PDE4D: variants seen among roughly 807,000 people sequenced by gnomAD.
PDE4D encodes the protein phosphodiesterase 4D, also known as 3',5'-cyclic-AMP phosphodiesterase 4D.
A neutral mutation model predicts 87.4 loss-of-function variants in PDE4D; 24 were observed. That is an observed-to-expected ratio of 0.27 (90% CI 0.20 to 0.39). PDE4D has a LOEUF of 0.39. Ranked by LOEUF, PDE4D falls within the 10% of genes least tolerant of loss-of-function variation. The probability of loss-of-function intolerance (pLI) is 1.00; values close to 1 mark genes in which losing one functional copy is unlikely to be tolerated. For missense variants in PDE4D, 714 were observed against 1,041.0 expected, an observed-to-expected ratio of 0.69 and a Z score of 4.32; for synonymous variants, 384 against 383.2, an observed-to-expected ratio of 1.00 and a Z score of -0.02.
chr5:60,372,205 T>G (rs903903354), intron 1 of PDE4D, among the ~76,000 whole-genome samples: 5 of 151,568 alleles, frequency 3.3e-5, no homozygotes, highest in Admixed American at 1.3e-4. Flanking sequence ...TAGATTTCAT[T>G]TGCATTTCCT....
chr5:59,828,196 AAG>A (rs1456295840), intron 1 of PDE4D, among the ~76,000 whole-genome samples: 2 of 152,060 alleles, frequency 1.3e-5, no homozygotes, highest in Non-Finnish European at 2.9e-5. Context: ...CCTAAGAGAA[AAG>A]AGAGAGAAAA....
chr5:59,856,343 T>C (rs1018970182), intron 1 of PDE4D, among the ~76,000 whole-genome samples: 1 of 152,188 alleles, frequency 6.6e-6, no homozygotes, highest in African/African-American at 2.4e-5. Flanking sequence ...AGGATCATTT[T>C]AGTGGAAAAG....
At chr5:60,203,069 T>A (rs1335812642) in intron 1 of PDE4D, among the ~76,000 whole-genome samples, 1 of 152,144 alleles carries the variant, frequency 6.6e-6, no homozygotes, top group African/African-American at 2.4e-5. Context: ...GCCTCCCAGG[T>A]TCAAGTGATT....
intron 1 of PDE4D, among the ~76,000 whole-genome samples, chr5:59,628,423 T>C (rs1831159054): frequency 6.6e-6 from 1 of 152,194 alleles, no homozygotes; most frequent in Admixed American, 6.5e-5. Context: ...TCCAATATAA[T>C]AGCCACTAAT....
intron 1 of PDE4D, among the ~76,000 whole-genome samples, chr5:60,467,214 A>T (rs1295961546): frequency 2.0e-5 from 3 of 151,818 alleles, no homozygotes; most frequent in African/African-American, 7.3e-5. Flanking sequence ...TAATTTTTGT[A>T]TTCTTAGTAG....
intron 1 of PDE4D, among the ~76,000 whole-genome samples, chr5:60,229,408 G>GT (rs1039979386): frequency 6.6e-6 from 1 of 152,126 alleles, no homozygotes; most frequent in African/African-American, 2.4e-5. Flanking sequence ...CAGTCACAAT[G>GT]TTTTATCCTG....
At chr5:59,180,329 C>A in intron 5 of PDE4D, 2 of 636,218 alleles carry the variant, frequency 3.1e-6, no homozygotes, top group Non-Finnish European at 5.8e-6. Flanking sequence ...ATACAAATGC[C>A]CAGAGCAATG....
intron 1 of PDE4D, among the ~76,000 whole-genome samples, chr5:59,787,942 G>C (rs1053623985): frequency 1.3e-5 from 2 of 152,158 alleles, no homozygotes; most frequent in South Asian, 4.1e-4. Context: ...TGGGAATGAT[G>C]CTAATATATT....
intron 3 of PDE4D, among the ~76,000 whole-genome samples, chr5:59,952,612 T>C (rs1758418735): frequency 6.6e-6 from 1 of 152,234 alleles, no homozygotes; most frequent in Admixed American, 6.5e-5. Context: ...ACCCATGAAG[T>C]GTGGTTGAAG....
At chr5:59,132,381 G>A (rs535048914) in intron 5 of PDE4D, among the ~76,000 whole-genome samples, 18 of 152,196 alleles carry the variant, frequency 1.2e-4, no homozygotes, top group African/African-American at 4.1e-4. Context: ...TGCAGTTTTC[G>A]TAGAAATATA....
At chr5:60,124,991 C>T (rs1172353682) in intron 2 of PDE4D, among the ~76,000 whole-genome samples, 2 of 152,142 alleles carry the variant, frequency 1.3e-5, no homozygotes, top group African/African-American at 4.8e-5. Flanking sequence ...TGTATTTCTG[C>T]CTCACCAGCT....
At chr5:60,415,676 G>A (rs115760413) in intron 1 of PDE4D, among the ~76,000 whole-genome samples, 2,144 of 152,318 alleles carry the variant, frequency 0.014, 40 homozygotes, top group African/African-American at 0.049. Context: ...CCTGCAGTGC[G>A]GCCACGCCTG....
intron 1 of PDE4D, among the ~76,000 whole-genome samples, chr5:59,837,413 AGAAAGAGCTTGTCATAT>A (rs1742289472): frequency 6.6e-6 from 1 of 152,076 alleles, no homozygotes. Context: ...TCTCCTTGCA[AGAAAGAGCTTGTCATAT>A]ATGTCTAGGT....
At position 58,977,311 on chromosome 5, in the gene PDE4D, T is replaced by C. The variant is rs375578029; in HGVS notation, c.1587A>G (p.Ser529=). The change falls in exon 12 of 15, where the codon TCA becomes TCG. Residue 529 remains serine (S), a synonymous_variant. Transcript: ENST00000340635. The part of the protein sequence containing the change: ...SELALMYNDS[S]VLENHHLAVG... The stretch of plus-strand genomic sequence containing the variant: ...CAGCCAAATGATGGTTCTCTAAGAC[T>C]GAGGAATCATTGTACATCAAGGCAA... 2.5e-6 allele frequency: 4 copies of C among 1,611,644 alleles called. No individual in the cohort carries two copies. The African/African-American group carries it at 4.0e-5, about 16-fold the overall frequency.
chr5:59,718,909 G>T (rs1436120644), intron 1 of PDE4D, among the ~76,000 whole-genome samples: 1 of 150,896 alleles, frequency 6.6e-6, no homozygotes, highest in East Asian at 1.9e-4. Flanking sequence ...AATTTTTTTT[G>T]AAAAAGTTCT....
chr5:59,844,488 A>G (rs1743523414), intron 1 of PDE4D, among the ~76,000 whole-genome samples: 1 of 152,116 alleles, frequency 6.6e-6, no homozygotes, highest in Non-Finnish European at 1.5e-5. Context: ...TAATAATTGC[A>G]TAATAGAGTA....
chr5:59,761,138 T>C (rs1761914509), intron 1 of PDE4D, among the ~76,000 whole-genome samples: 1 of 152,208 alleles, frequency 6.6e-6, no homozygotes, highest in Admixed American at 6.5e-5. Context: ...AATGGTTAAG[T>C]ATTTGTATAT....
At position 60,422,223 on chromosome 5, in the gene PDE4D, AC is replaced by A. The variant is rs1177790413; in HGVS notation, c.-90+65718del. On this transcript the variant is annotated intron_variant, in intron 1 of 16. Coordinates refer to the PDE4D transcript ENST00000502484. ...ACAAAGATACTCCTCAAGAAGAGCAACCCCAAGACACATAATTTTCAGATTC... is the reference window on the plus strand; with the variant it reads ...ACAAAGATACTCCTCAAGAAGAGCAACCCAAGACACATAATTTTCAGATTC... Among the ~76,000 whole-genome samples the A allele has an allele frequency of 5.3e-5, 8 of 152,324 alleles. 1 individual carries two copies. The South Asian group carries it at 1.4e-3, about 28-fold the overall frequency.
At chr5:59,821,101 C>T (rs536068877) in intron 1 of PDE4D, among the ~76,000 whole-genome samples, 5 of 152,082 alleles carry the variant, frequency 3.3e-5, no homozygotes, top group Non-Finnish European at 5.9e-5. Flanking sequence ...GGAGTGGTGG[C>T]GGGCACCTGT....
Sources: gnomAD v4.1 joint callset for allele counts (sites outside exome capture counted in the v4.1 genomes callset) on GRCh38, gnomAD v4.1.1 for gene constraint, MANE v1.5 for transcripts, NCBI Gene and HGNC (gene_info 2026-07-23, HGNC 2026-07-21) for gene names.